The following NRG2 variants were observed in gnomAD, a reference collection of about 807,000 sequenced individuals.
NRG2 encodes neuregulin 2.
In NRG2, 27 loss-of-function variants were observed where a neutral mutation model predicts 73.9. The observed-to-expected ratio is 0.37, with a 90% confidence interval of 0.27 to 0.50. The LOEUF (loss-of-function observed/expected upper bound fraction) is 0.50. Ranked by LOEUF, NRG2 falls within the 20% of genes least tolerant of loss-of-function variation. The probability of loss-of-function intolerance (pLI) is 0.96; values close to 1 mark genes in which losing one functional copy is unlikely to be tolerated. For synonymous variants in NRG2, 532 were observed against 541.0 expected (o/e 0.98, Z 0.23); for missense variants, 1,126 against 1,210.1 (o/e 0.93, Z 1.03).
At chr5:140,005,025 T>G (rs1446076668) in intron 1 of NRG2, among the ~76,000 whole-genome samples, 1 of 152,204 alleles carries the variant, frequency 6.6e-6, no homozygotes, top group Non-Finnish European at 1.5e-5. Flanking sequence ...CACCATTCTG[T>G]AACTTAACAT....
chr5:139,877,599 C>G (rs889833541), intron 3 of NRG2, among the ~76,000 whole-genome samples: 1 of 152,242 alleles, frequency 6.6e-6, no homozygotes, highest in South Asian at 2.1e-4. Flanking sequence ...TGGTCCCCAG[C>G]AGTGGCCCTG....
intron 1 of NRG2, among the ~76,000 whole-genome samples, chr5:139,985,752 G>A (rs546626054): frequency 6.3e-4 from 96 of 152,200 alleles, no homozygotes; most frequent in African/African-American, 2.2e-3. Flanking sequence ...CCCTCTCCTC[G>A]AGCTCTATCC....
At chr5:139,946,126 CA>C (rs1554112185) in intron 1 of NRG2, among the ~76,000 whole-genome samples, 1 of 151,944 alleles carries the variant, frequency 6.6e-6, no homozygotes, top group Non-Finnish European at 1.5e-5. Context: ...TCTTAAAATT[CA>C]AGCTGACAAG....
Position 140,042,835 on chromosome 5 carries a change from G to C in NRG2, c.235C>G (p.Arg79Gly). Residue 79 changes from arginine (R) to glycine (G), a missense_variant, in exon 1 of 10, where the codon CGG (arginine) becomes GGG (glycine). Arg to Gly is a moderately radical substitution (Grantham distance 125). This residue lies in a region of NRG2 where 185 missense variants were observed against 149.0 expected (regional missense o/e 1.24). Coordinates refer to ENST00000361474, the MANE Select transcript of NRG2 (RefSeq NM_004883.3). ...QQPQPRSPAA[R>G]RAAARSRAAA... ...GCTCGCGAACGGGCGGCGGCTCTCC[G>C]GGCTGCGGGGCTGCGGGGCTGCGGC... 6.9e-7 allele frequency: 1 copy of C among 1,458,148 alleles called. No homozygotes were observed. The highest frequency in any genetic ancestry group is 9.0e-7 in the Non-Finnish European group (1 of 1,108,332). The allele number at this position is 1,458,148 out of a possible 1,614,324, so 90.3% of individuals were successfully genotyped here.
At chr5:140,026,014 A>C (rs1369808446) in intron 1 of NRG2, among the ~76,000 whole-genome samples, 1 of 152,210 alleles carries the variant, frequency 6.6e-6, no homozygotes, top group African/African-American at 2.4e-5. Context: ...AAAAGCTTTG[A>C]GGAGAAGTGG....
intron 1 of NRG2, among the ~76,000 whole-genome samples, chr5:139,935,614 T>A (rs934826716): frequency 2.0e-5 from 3 of 152,076 alleles, no homozygotes; most frequent in Non-Finnish European, 2.9e-5. Context: ...TTCTAAATAA[T>A]ATATGGGTCA....
At chr5:139,975,426 T>G (rs1051847058) in intron 1 of NRG2, among the ~76,000 whole-genome samples, 1 of 152,148 alleles carries the variant, frequency 6.6e-6, no homozygotes, top group Admixed American at 6.5e-5. Flanking sequence ...AGTCCTACTT[T>G]CAAGGAAGGA....
intron 1 of NRG2, among the ~76,000 whole-genome samples, chr5:139,901,724 T>C (rs1170593625): frequency 2.0e-5 from 3 of 152,246 alleles, no homozygotes. Context: ...CTGCTCCATG[T>C]CTGCCTGTGG....
Position 140,042,887 on chromosome 5 carries a change from C to T in NRG2, c.183G>A (p.Ala61=). The T allele has an allele frequency of 6.6e-7, 1 of 1,519,204 alleles. No individual in the cohort carries two copies. The highest frequency in any genetic ancestry group is 8.8e-7 in the Non-Finnish European group (1 of 1,134,830). The allele number at this position is 1,519,204 out of a possible 1,614,324, so 94.1% of individuals were successfully genotyped here. The change falls in exon 1 of 10, where the codon GCG becomes GCA. Residue 61 remains alanine (A), a synonymous_variant. Coordinates refer to ENST00000361474, the MANE Select transcript of NRG2 (RefSeq NM_004883.3). ...SNNSSISRPA[A]PPEPRPQQQP... ...GTTGCTGCGGCCGCGGCTCTGGGGG[C>T]GCAGCGGGACGAGAGATGCTGCTGT...
At position 139,915,189 on chromosome 5, in the gene NRG2, CTTG is replaced by C. The variant is rs773200782; in HGVS notation, c.701-27681_701-27679del. 5.3e-5 allele frequency among the ~76,000 whole-genome samples: 8 copies of C among 152,328 alleles called. No individual in the cohort carries two copies. The South Asian group carries it at 1.2e-3, about 24-fold the overall frequency. ...TTACGGAAATGGTTGCAAGGGGGCT[CTTG>C]TTGTGCTGTAAAATCATTATCTGAC... On this transcript the variant is annotated intron_variant, in intron 1 of 9. Coordinates refer to ENST00000361474, the MANE Select transcript of NRG2 (RefSeq NM_004883.3). The surrounding 1 kb of genome is among the most constrained non-coding windows in gnomAD (Gnocchi z 4.0).
At chr5:139,973,808 G>T (rs1414734337) in intron 1 of NRG2, among the ~76,000 whole-genome samples, 2 of 152,138 alleles carry the variant, frequency 1.3e-5, no homozygotes, top group Non-Finnish European at 2.9e-5. Flanking sequence ...GACAGCTGTC[G>T]TGATTGCCCT....
At chr5:139,862,838 G>A (rs554427366) in intron 5 of NRG2, among the ~76,000 whole-genome samples, 5 of 152,398 alleles carry the variant, frequency 3.3e-5, no homozygotes, top group African/African-American at 1.2e-4. Flanking sequence ...AGATGGACAA[G>A]CTTTGACCCG....
At chr5:139,942,395 T>C (rs182501223) in intron 1 of NRG2, among the ~76,000 whole-genome samples, 1 of 152,340 alleles carries the variant, frequency 6.6e-6, no homozygotes, top group East Asian at 1.9e-4. Context: ...AAGCCTTTTT[T>C]CTGCTGCATA....
Position 139,904,162 on chromosome 5 carries a change from A to T in NRG2, c.701-16651T>A. The T allele has an allele frequency of 2.7e-6, 2 of 741,692 alleles. No individual in the cohort carries two copies. Among genetic ancestry groups the T allele is most frequent in the Non-Finnish European group, 3.8e-6 (2 of 525,426 alleles). The allele number at this position is 741,692 out of a possible 1,614,324, so 45.9% of individuals were successfully genotyped here. Reference sequence around the variant, plus strand: ...CTCCCGGCCGCGACGACCCGCTCGCACGCAGGCACGCGCGCCCTCGGTGCC... The same window carrying T: ...CTCCCGGCCGCGACGACCCGCTCGCTCGCAGGCACGCGCGCCCTCGGTGCC... On this transcript the variant is annotated intron_variant, in intron 1 of 9. Transcript: ENST00000361474. This position sits in a 1 kb window ranked among gnomAD's most constrained non-coding sequence, Gnocchi z 6.0.
At chr5:139,985,217 G>A (rs1232251507) in intron 1 of NRG2, among the ~76,000 whole-genome samples, 1 of 151,786 alleles carries the variant, frequency 6.6e-6, no homozygotes, top group Non-Finnish European at 1.5e-5. Flanking sequence ...GCACACACCT[G>A]TAATCCCAGC....
At chr5:139,899,683 TC>T (rs976703987) in intron 1 of NRG2, among the ~76,000 whole-genome samples, 4 of 152,208 alleles carry the variant, frequency 2.6e-5, no homozygotes, top group Non-Finnish European at 4.4e-5. Flanking sequence ...GACCCACTTA[TC>T]TTTGTATCCT....
rs528593766 is a variant in NRG2 at position 139,852,599 on chromosome 5, C to T, written c.1417-40G>A. On this transcript the variant is annotated intron_variant, in intron 7 of 9. Transcript: ENST00000361474. This position sits in a 1 kb window ranked among gnomAD's most constrained non-coding sequence, Gnocchi z 4.4. ...GTTGGGCGAGAGTTAGTGACTGGGG[C>T]CCAAATGAACTCTTTCTTGTTGGGG... 1.9e-6 allele frequency: 3 copies of T among 1,600,546 alleles called. No individual in the cohort carries two copies. In the East Asian group the frequency reaches 6.7e-5, roughly 36 times the overall value.
chr5:139,942,746 G>T (rs1413087075), intron 1 of NRG2, among the ~76,000 whole-genome samples: 5 of 152,140 alleles, frequency 3.3e-5, no homozygotes, highest in Non-Finnish European at 1.5e-5. Flanking sequence ...TATTTTCTCT[G>T]TACACAGTTT....
At chr5:139,855,344 C>G (rs1321090911) in intron 6 of NRG2, among the ~76,000 whole-genome samples, 1 of 152,236 alleles carries the variant, frequency 6.6e-6, no homozygotes, top group Non-Finnish European at 1.5e-5. Flanking sequence ...ATACCAGGAT[C>G]ATTCCCATGA....
Sources: gnomAD v4.1 joint callset for allele counts (sites outside exome capture counted in the v4.1 genomes callset) on GRCh38, gnomAD v4.1.1 for gene constraint, gnomAD v4.1.1 regional missense constraint, Gnocchi (gnomAD v3.1) non-coding constraint, MANE v1.5 for transcripts, NCBI Gene and HGNC (gene_info 2026-07-23, HGNC 2026-07-21) for gene names.